SLC35F2: variants seen among roughly 807,000 people sequenced by gnomAD.
SLC35F2 encodes the protein queuine/queuosine transporter SLC35F2.
SLC35F2 carries 25 observed loss-of-function variants against 38.1 expected under a neutral mutation model. The observed-to-expected ratio is 0.66, with a 90% CI of 0.48 to 0.92. SLC35F2 has a LOEUF of 0.92. SLC35F2 is among the 40% of genes least tolerant of loss of function. SLC35F2 has a pLI of 0.00. For synonymous variants in SLC35F2, 173 were observed against 181.7 expected, an observed-to-expected ratio of 0.95 and a Z score of 0.38; for missense variants, 409 against 452.9, an observed-to-expected ratio of 0.90 and a Z score of 0.88.
At chr11:107,807,692 GCCTCCC>G (rs1859420055) in intron 3 of SLC35F2, among the ~76,000 whole-genome samples, 4 of 151,894 alleles carry the variant, frequency 2.6e-5, no homozygotes, top group Non-Finnish European at 5.9e-5. Flanking sequence ...TCCTGCCTCA[GCCTCCC>G]AAGGAGCTGG....
intron 4 of SLC35F2, 44 bp downstream of exon 4, chr11:107,806,673 C>A (rs746257566): frequency 5.0e-6 from 8 of 1,596,654 alleles, no homozygotes; most frequent in Admixed American, 1.7e-5. Context: ...AAAACATAAA[C>A]AAATTTGCTG....
chr11:107,810,850 A>C, intron 3 of SLC35F2: 3 of 981,026 alleles, frequency 3.1e-6, no homozygotes, highest in Non-Finnish European at 2.4e-6. Context: ...AGTCCCTAAA[A>C]TTTGGAGTCA....
chr11:107,852,132 T>C (rs938706993), intron 1 of SLC35F2, among the ~76,000 whole-genome samples: 2 of 151,994 alleles, frequency 1.3e-5, no homozygotes, highest in African/African-American at 2.4e-5. Flanking sequence ...GGAGTGTGGG[T>C]GTTGGCCAGG....
intron 7 of SLC35F2, among the ~76,000 whole-genome samples, chr11:107,802,242 A>AAAAAAAAAAATAAATAAAT (rs559048077): frequency 0.037 from 5,522 of 147,750 alleles, 154 homozygotes; most frequent in East Asian, 0.11. Context: ...CATCTCAAAA[A>AAAAAAAAAAATAAATAAAT]AAATAAATAA....
At chr11:107,819,946 A>G (rs1273697568) in intron 1 of SLC35F2, among the ~76,000 whole-genome samples, 1 of 152,108 alleles carries the variant, frequency 6.6e-6, no homozygotes, top group East Asian at 1.9e-4. Flanking sequence ...CAGTGCTCCT[A>G]TTAAAAGACC....
chr11:107,806,930 T>C (rs71488281), intron 3 of SLC35F2, 54 bp from the exon 4 acceptor site: 89,253 of 1,533,600 alleles, frequency 0.058, 3,009 homozygotes, highest in East Asian at 0.13. Flanking sequence ...AGCTAAAAGA[T>C]GGGTAATTAA....
chr11:107,807,997 C>T (rs998933477), intron 3 of SLC35F2, among the ~76,000 whole-genome samples: 6 of 152,168 alleles, frequency 3.9e-5, no homozygotes, highest in African/African-American at 1.4e-4. Context: ...CTAGGAATAG[C>T]GGTGAACAGG....
intron 1 of SLC35F2, among the ~76,000 whole-genome samples, chr11:107,816,595 G>A (rs1367264900): frequency 6.6e-6 from 1 of 151,638 alleles, no homozygotes; most frequent in African/African-American, 2.4e-5. Context: ...CCCTTACCCT[G>A]CATTTCTAAC....
intron 1 of SLC35F2, among the ~76,000 whole-genome samples, chr11:107,849,818 AAGG>A (rs1188171851): frequency 2.6e-5 from 4 of 152,152 alleles, no homozygotes; most frequent in Non-Finnish European, 5.9e-5. Context: ...CTAGGGGAAG[AAGG>A]AGACTACAGC....
intron 3 of SLC35F2, among the ~76,000 whole-genome samples, chr11:107,807,285 A>AAAAAAAAAAAAAAC (rs1859408916): frequency 1.1e-5 from 1 of 88,012 alleles, no homozygotes; most frequent in Non-Finnish European, 2.3e-5. Context: ...AAAAAAAAAA[A>AAAAAAAAAAAAAAC]ACAACAACAA....
At chr11:107,809,852 C>G (rs1859455750) in intron 3 of SLC35F2, 3 of 985,212 alleles carry the variant, frequency 3.0e-6, no homozygotes, top group African/African-American at 3.5e-5. Context: ...GGGGAGCAGG[C>G]TTCAAAAAGG....
At chr11:107,811,349 G>T in intron 3 of SLC35F2, 1 of 621,106 alleles carries the variant, frequency 1.6e-6, no homozygotes, top group Non-Finnish European at 2.0e-6. Context: ...ACTTTCATAT[G>T]CCATGTTTGA....
At chr11:107,838,449 C>T (rs1017081573) in intron 1 of SLC35F2, among the ~76,000 whole-genome samples, 16 of 151,912 alleles carry the variant, frequency 1.1e-4, no homozygotes, top group Non-Finnish European at 1.2e-4. Context: ...CTCAGCCTCC[C>T]GAGTAGCTGG....
At chr11:107,810,161 G>A in intron 3 of SLC35F2, 3 of 985,450 alleles carry the variant, frequency 3.0e-6, no homozygotes, top group Non-Finnish European at 3.6e-6. Context: ...CGCTGCTGCT[G>A]GAGAAAACAT....
At position 107,791,470 on chromosome 11, in the gene SLC35F2, G is replaced by C. The variant is rs1373680714; in HGVS notation, c.*1145C>G. On this transcript the variant is annotated 3_prime_UTR_variant, in exon 8 of 8. Coordinates refer to ENST00000525815, the MANE Select transcript of SLC35F2 (RefSeq NM_017515.5). ...ATGGAGCTCTGAAAACTGTTGGAGA[G>C]TATGACCTGGGACTGAAACTGTGGA... is the stretch of plus-strand genomic sequence containing the variant. 1 of 152,148 alleles carries C rather than the reference G, an allele frequency of 6.6e-6. No homozygotes were observed. The highest frequency in any genetic ancestry group is 1.5e-5 in the Non-Finnish European group (1 of 68,054). The allele number at this position is 152,148 out of a possible 1,614,324, so 9.4% of individuals were successfully genotyped here.
intron 1 of SLC35F2, chr11:107,816,308 G>T (rs1347154211): frequency 1.0e-5 from 10 of 983,138 alleles, no homozygotes; most frequent in African/African-American, 1.8e-5. Flanking sequence ...TTGAGACAGG[G>T]TCTTGTTCTA....
At chr11:107,844,088 C>G (rs973649989) in intron 1 of SLC35F2, among the ~76,000 whole-genome samples, 1 of 151,768 alleles carries the variant, frequency 6.6e-6, no homozygotes, top group Non-Finnish European at 1.5e-5. Context: ...TAATCCAGAA[C>G]AGGCCTAGGG....
intron 3 of SLC35F2, chr11:107,809,644 A>T: frequency 1.0e-6 from 1 of 972,750 alleles, no homozygotes; most frequent in Non-Finnish European, 1.2e-6. Context: ...AAAAAAAAAA[A>T]GTATTCTTGG....
chr11:107,833,777 G>A (rs952716628), intron 1 of SLC35F2, among the ~76,000 whole-genome samples: 7 of 152,104 alleles, frequency 4.6e-5, no homozygotes, highest in South Asian at 2.1e-4. Flanking sequence ...AAATTCTCTC[G>A]GCCCCAAGGA....
Sources: gnomAD v4.1 joint callset for allele counts (sites outside exome capture counted in the v4.1 genomes callset) on GRCh38, gnomAD v4.1.1 for gene constraint, MANE v1.5 for transcripts, NCBI Gene and HGNC (gene_info 2026-07-23, HGNC 2026-07-21) for gene names.